The following BACH2 variants were observed in gnomAD, a reference collection of about 807,000 sequenced individuals.
BACH2 encodes the protein transcription regulator protein BACH2.
In BACH2, 5 loss-of-function variants were observed where a neutral mutation model predicts 61.8. That is an observed-to-expected ratio of 0.08 (90% CI 0.04 to 0.17). BACH2 has a LOEUF of 0.17. BACH2 is among the 10% of genes least tolerant of loss of function. BACH2 has a pLI of 1.00. For synonymous variants in BACH2, 446 were observed against 440.1 expected (o/e 1.01, Z -0.17); for missense variants, 824 against 1,091.1 (o/e 0.76, Z 3.45).
intron 8 of BACH2, among the ~76,000 whole-genome samples, chr6:89,934,487 G>A (rs1361734666): frequency 6.6e-6 from 1 of 152,054 alleles, no homozygotes; most frequent in African/African-American, 2.4e-5. Flanking sequence ...GTGAAACCCT[G>A]TCTTTACTAA....
chr6:90,019,594 G>T (rs1778269204), intron 5 of BACH2, among the ~76,000 whole-genome samples: 1 of 146,468 alleles, frequency 6.8e-6, no homozygotes, highest in East Asian at 1.9e-4. Flanking sequence ...CAAAGAGCGG[G>T]ATACTGTCTT....
intron 3 of BACH2, among the ~76,000 whole-genome samples, chr6:90,211,588 C>CTGTGTGTGTGTGTGTG (rs3072674): frequency 2.4e-4 from 35 of 144,138 alleles, no homozygotes; most frequent in Non-Finnish European, 4.2e-4. Context: ...GTGTCAAGGG[C>CTGTGTGTGTGTGTGTG]TGTGTGTGTG....
intron 6 of BACH2, among the ~76,000 whole-genome samples, chr6:89,958,184 T>C (rs1484643088): frequency 6.6e-6 from 1 of 152,244 alleles, no homozygotes; most frequent in African/African-American, 2.4e-5. Context: ...TCTCACTATG[T>C]TGTCCAGGCT....
At chr6:90,003,940 C>T (rs1209248272) in intron 6 of BACH2, among the ~76,000 whole-genome samples, 1 of 152,324 alleles carries the variant, frequency 6.6e-6, no homozygotes, top group Non-Finnish European at 1.5e-5. Context: ...TTCCCTTGTC[C>T]TCACCCTCAG....
intron 4 of BACH2, among the ~76,000 whole-genome samples, chr6:90,145,803 T>C (rs948472196): frequency 9.2e-5 from 14 of 152,160 alleles, no homozygotes; most frequent in Admixed American, 6.5e-4. Flanking sequence ...AAGTACATGA[T>C]TGGATTTGCA....
chr6:90,122,806 A>G (rs542034673), intron 4 of BACH2, among the ~76,000 whole-genome samples: 2 of 152,236 alleles, frequency 1.3e-5, no homozygotes, highest in African/African-American at 2.4e-5. Context: ...TGAGCTTCAC[A>G]GGGCAGACAC....
chr6:89,946,622 G>A (rs1584512789), intron 7 of BACH2, among the ~76,000 whole-genome samples: 2 of 152,318 alleles, frequency 1.3e-5, no homozygotes, highest in Middle Eastern at 6.8e-3. Flanking sequence ...GGAGAAACAT[G>A]TCTTGGCCCT....
chr6:90,293,006 G>A (rs114923517), intron 1 of BACH2, among the ~76,000 whole-genome samples: 1,944 of 152,256 alleles, frequency 0.013, 47 homozygotes, highest in African/African-American at 0.044. Flanking sequence ...ACCAGAACCA[G>A]GTAAGTACAT....
chr6:90,118,154 G>C (rs746827637), intron 4 of BACH2, among the ~76,000 whole-genome samples: 17 of 152,152 alleles, frequency 1.1e-4, no homozygotes, highest in Non-Finnish European at 2.1e-4. Context: ...AAGCTTTAAA[G>C]CAAAGCCGTC....
chr6:90,189,275 T>C (rs1047010733), intron 4 of BACH2, among the ~76,000 whole-genome samples: 7 of 152,126 alleles, frequency 4.6e-5, no homozygotes, highest in Admixed American at 6.5e-5. Context: ...AGTAGTAAAA[T>C]GTTGTTTCAG....
intron 4 of BACH2, among the ~76,000 whole-genome samples, chr6:90,171,756 T>A (rs187387080): frequency 6.6e-6 from 1 of 152,282 alleles, no homozygotes; most frequent in African/African-American, 2.4e-5. Flanking sequence ...ATAAAATAGA[T>A]GTGTTTAACA....
intron 4 of BACH2, among the ~76,000 whole-genome samples, chr6:90,199,251 C>A (rs921140261): frequency 6.6e-6 from 1 of 152,080 alleles, no homozygotes; most frequent in African/African-American, 2.4e-5. Context: ...GAGAGAACAA[C>A]GGAAATGTGT....
chr6:90,183,918 T>C (rs1195444504), intron 4 of BACH2, among the ~76,000 whole-genome samples: 2 of 152,212 alleles, frequency 1.3e-5, no homozygotes, highest in African/African-American at 2.4e-5. Flanking sequence ...AAATTCAGTG[T>C]GGTCTGAAAG....
chr6:89,995,591 T>C (rs1776801735), intron 6 of BACH2, among the ~76,000 whole-genome samples: 1 of 152,158 alleles, frequency 6.6e-6, no homozygotes, highest in African/African-American at 2.4e-5. Context: ...GATGTTACTT[T>C]GTTTCCGCAT....
At chr6:90,119,626 G>GA (rs1343697164) in intron 4 of BACH2, among the ~76,000 whole-genome samples, 4 of 152,060 alleles carry the variant, frequency 2.6e-5, no homozygotes, top group East Asian at 3.9e-4. Flanking sequence ...ATTATTTATT[G>GA]AAAAAAATCA....
intron 5 of BACH2, among the ~76,000 whole-genome samples, chr6:90,009,703 G>A (rs746117304): frequency 1.2e-4 from 18 of 152,012 alleles, no homozygotes; most frequent in Non-Finnish European, 2.2e-4. Context: ...TGTTCTTGTC[G>A]CCCAGGCTGA....
chr6:89,970,931 G>C (rs1266570648), intron 6 of BACH2, among the ~76,000 whole-genome samples: 6 of 152,330 alleles, frequency 3.9e-5, no homozygotes, highest in Admixed American at 2.0e-4. Flanking sequence ...ATATATGCGG[G>C]ATCTTAACGG....
intron 3 of BACH2, among the ~76,000 whole-genome samples, chr6:90,228,552 T>C (rs539466075): frequency 6.6e-6 from 1 of 152,284 alleles, no homozygotes; most frequent in East Asian, 1.9e-4. Flanking sequence ...AAGACCAGCC[T>C]GGGCAGCACA....
intron 4 of BACH2, among the ~76,000 whole-genome samples, chr6:90,106,960 G>A (rs1782948967): frequency 6.6e-6 from 1 of 152,222 alleles, no homozygotes; most frequent in South Asian, 2.1e-4. Flanking sequence ...TCGCTGGATA[G>A]TTGTTTCTAG....
Sources: gnomAD v4.1 joint callset for allele counts (sites outside exome capture counted in the v4.1 genomes callset) on GRCh38, gnomAD v4.1.1 for gene constraint, MANE v1.5 for transcripts, NCBI Gene and HGNC (gene_info 2026-07-23, HGNC 2026-07-21) for gene names.